The following SLC26A11 variants were observed in gnomAD, a reference collection of about 807,000 sequenced individuals.
SLC26A11 encodes solute carrier family 26 member 11.
A neutral mutation model predicts 62.2 loss-of-function variants in SLC26A11; 58 were observed. The ratio of observed to expected loss-of-function variants is 0.93; its 90% CI spans 0.76 to 1.16. The LOEUF is 1.16. Among genes scored for constraint, SLC26A11 ranks in the 50% most tolerant of loss-of-function variants. The probability of loss-of-function intolerance (pLI) is 0.00; values close to 1 mark genes in which losing one functional copy is unlikely to be tolerated. For synonymous variants in SLC26A11, 411 were observed against 368.9 expected (o/e 1.11, Z -1.31); for missense variants, 790 against 794.3 (o/e 0.99, Z 0.06).
chr17:80,252,755 C>G lies in SLC26A11; in HGVS notation c.*39C>G. 1 of 1,574,520 alleles carries G rather than the reference C, an allele frequency of 6.4e-7. No homozygotes were observed. Among genetic ancestry groups the G allele is most frequent in the Non-Finnish European group, 8.7e-7 (1 of 1,148,600 alleles). On this transcript the variant is annotated 3_prime_UTR_variant, in exon 18 of 18. Coordinates refer to ENST00000361193, the MANE Select transcript of SLC26A11 (RefSeq NM_001166347.2). This position sits in a 1 kb window ranked among gnomAD's most constrained non-coding sequence, Gnocchi z 5.2. ...GGGCATCCACAGTTTGCAGGGTGTT[C>G]CGGAAGGTTCTTGTCACTGTGATTG...
At position 80,227,810 on chromosome 17, in the gene SLC26A11, G is replaced by C. The variant is rs774813208; in HGVS notation, c.594-8G>C. The C allele has an allele frequency of 2.5e-6, 4 of 1,603,760 alleles. No individual in the cohort carries two copies. The South Asian group carries it at 4.4e-5, about 18-fold the overall frequency. On this transcript the variant is annotated splice_polypyrimidine_tract_variant and splice_region_variant and intron_variant, in intron 6 of 17. Transcript: ENST00000361193. ...CTGGGTGGTGACCAGTCCTCTGCCT[G>C]TCCACAGGGTAGGTGACGCCGTCCT...
In SLC26A11 at chr17:80,237,480, C is replaced by T. The variant is rs775007930; in HGVS notation, c.913-42C>T. The T allele has an allele frequency of 2.5e-6, 4 of 1,569,500 alleles. No homozygotes were observed. The South Asian group carries it at 4.7e-5, about 18-fold the overall frequency. ...TTTCATGGGTCACTGCTGGGTCCTA[C>T]CCCTTAGGAAGGTCACTCACCATCC... On this transcript the variant is annotated intron_variant, in intron 8 of 17. Coordinates refer to ENST00000361193, the MANE Select transcript of SLC26A11 (RefSeq NM_001166347.2).
Position 80,220,505 on chromosome 17 carries a change from G to C in SLC26A11, c.-214+9G>C. The C allele has an allele frequency of 2.1e-6, 1 of 486,994 alleles. No homozygotes were observed. The highest frequency in any genetic ancestry group is 2.0e-5 in the African/African-American group (1 of 49,360). 30.2% of individuals were successfully genotyped at this position (486,994 alleles called of 1,614,324 possible). A position where few individuals can be genotyped will look rare whatever the true frequency, so the allele number is the denominator to read the frequency against. ...GCTGCATCGCCGAGTGGGTGAGTCC[G>C]TGGCCCGCGAGGGCGGCGAGCGGGG... On this transcript the variant is annotated intron_variant, in intron 1 of 17. Transcript: ENST00000361193.
intron 15 of SLC26A11, 127 bp downstream of exon 15, chr17:80,248,801 G>C (rs564772740): frequency 1.0e-6 from 1 of 978,118 alleles, no homozygotes; most frequent in Non-Finnish European, 1.5e-6. Context: ...AGGCATCTCT[G>C]AGTGGGCTGG....
At chr17:80,248,994 T>C (rs2043087372) in intron 15 of SLC26A11, among the ~76,000 whole-genome samples, 160 bp from the exon 16 acceptor site, 1 of 152,132 alleles carries the variant, frequency 6.6e-6, no homozygotes, top group East Asian at 1.9e-4. Context: ...TTGTCTCTGG[T>C]CCTGCCACCC....
At chr17:80,232,382 G>A (rs2042588093) in intron 7 of SLC26A11, among the ~76,000 whole-genome samples, 2 of 151,878 alleles carry the variant, frequency 1.3e-5, no homozygotes, top group African/African-American at 2.4e-5. Flanking sequence ...AGCCTCCCAA[G>A]TAGCTGGAAT....
At chr17:80,240,335 C>A (rs559295483) in intron 9 of SLC26A11, among the ~76,000 whole-genome samples, 65 of 151,936 alleles carry the variant, frequency 4.3e-4, no homozygotes, top group Non-Finnish European at 8.5e-4. Context: ...CCACTGTACT[C>A]CAGCCTGGGC....
intron 7 of SLC26A11, among the ~76,000 whole-genome samples, chr17:80,230,193 CAAAAA>C (rs11338645): frequency 1.1e-5 from 1 of 91,038 alleles, no homozygotes; most frequent in Non-Finnish European, 2.2e-5. Context: ...GACTCCTTCT[CAAAAA>C]AAAAAAAAAA....
intron 6 of SLC26A11, 104 bp from the exon 7 acceptor site, chr17:80,227,714 T>A: frequency 6.7e-7 from 1 of 1,501,838 alleles, no homozygotes; most frequent in Non-Finnish European, 8.9e-7. Context: ...TGGGCCTCCC[T>A]GGGAGCTTCT....
intron 6 of SLC26A11, among the ~76,000 whole-genome samples, chr17:80,226,921 G>A (rs184353464): frequency 7.0e-4 from 107 of 152,236 alleles, no homozygotes; most frequent in African/African-American, 2.5e-3. Context: ...ATCTGCTGCC[G>A]AAGCTTCCCA....
At chr17:80,221,270 C>T (rs1392451887) in intron 2 of SLC26A11, 155 bp downstream of exon 2, 1 of 422,988 alleles carries the variant, frequency 2.4e-6, no homozygotes, top group African/African-American at 2.0e-5. Flanking sequence ...TTATCAGTTT[C>T]TTATCTGGGA....
rs967317412 is a variant in SLC26A11, at chr17:80,223,486, C to T, written c.513+149C>T. On this transcript the variant is annotated intron_variant, in intron 5 of 17. Coordinates refer to ENST00000361193, the MANE Select transcript of SLC26A11 (RefSeq NM_001166347.2). The surrounding 1 kb of genome is among the most constrained non-coding windows in gnomAD (Gnocchi z 4.6). ...TGTCTTCCATGGGTCAAGAAGCACG[C>T]GGTGCTCTCATGGGTCCCCTGTTAA... 5.8e-5 allele frequency: 42 copies of T among 725,314 alleles called. No homozygotes were observed. Among genetic ancestry groups the T allele is most frequent in the African/African-American group, 3.3e-4 (19 of 57,150 alleles). 44.9% of individuals were successfully genotyped at this position (725,314 alleles called of 1,614,324 possible).
chr17:80,236,475 A>T (rs998120686), intron 7 of SLC26A11, among the ~76,000 whole-genome samples: 1 of 151,454 alleles, frequency 6.6e-6, no homozygotes, highest in Admixed American at 6.6e-5. Flanking sequence ...TGATAGACTC[A>T]CCTCCCTTGT....
chr17:80,247,319 G>A (rs1039852435), intron 13 of SLC26A11, among the ~76,000 whole-genome samples: 130 of 151,916 alleles, frequency 8.6e-4, no homozygotes, highest in African/African-American at 2.9e-3. Flanking sequence ...CCACAAAACC[G>A]CCATTGTCAT....
Position 80,248,199 on chromosome 17 carries a change from C to G in SLC26A11, c.1364C>G (p.Ala455Gly). 1.2e-6 allele frequency: 2 copies of G among 1,609,468 alleles called. No individual in the cohort carries two copies. The highest frequency in any genetic ancestry group is 2.2e-5 in the South Asian group (2 of 90,844). ...CFWEVQYGILAGALVSLLMLL... is the reference protein window; with the variant it reads ...CFWEVQYGILGGALVSLLMLL... ...TGGGAGGTGCAGTACGGCATCCTGGCCGGGGCCCTGGTGTCTCTGCTCATG... is the reference window on the plus strand; with the variant it reads ...TGGGAGGTGCAGTACGGCATCCTGGGCGGGGCCCTGGTGTCTCTGCTCATG... The change falls in exon 14 of 18, where the codon GCC (alanine) becomes GGC (glycine). Residue 455 changes from alanine (A) to glycine (G), a missense_variant. Transcript: ENST00000361193.
At chr17:80,239,133 G>A (rs1018782349) in intron 9 of SLC26A11, among the ~76,000 whole-genome samples, 1 of 148,376 alleles carries the variant, frequency 6.7e-6, no homozygotes, top group Admixed American at 6.7e-5. Context: ...CATGCTGGGT[G>A]CAATGGTGTG....
At chr17:80,249,495 C>T (rs1365742085) in intron 16 of SLC26A11, among the ~76,000 whole-genome samples, 1 of 152,236 alleles carries the variant, frequency 6.6e-6, no homozygotes, top group Non-Finnish European at 1.5e-5. Flanking sequence ...GCCCCCAGCC[C>T]TCCGAGGGGT....
At chr17:80,225,774 C>G in intron 5 of SLC26A11, 63 bp from the exon 6 acceptor site, 1 of 1,427,728 alleles carries the variant, frequency 7.0e-7, no homozygotes, top group Non-Finnish European at 9.9e-7. Flanking sequence ...GGGCGGGGAG[C>G]TGGGGACAGA....
rs781530165 is a variant in SLC26A11 at position 80,248,279 on chromosome 17, G to A, written c.1422+22G>A. Reference sequence around the variant, plus strand: ...CAAGGTACCCCTCCGTGGCCTCTGAGTGGGGAGTGTGCTGGGGGCAGGATT... The same window carrying A: ...CAAGGTACCCCTCCGTGGCCTCTGAATGGGGAGTGTGCTGGGGGCAGGATT... On this transcript the variant is annotated intron_variant, in intron 14 of 17. Coordinates refer to ENST00000361193, the MANE Select transcript of SLC26A11 (RefSeq NM_001166347.2). The A allele has an allele frequency of 2.4e-5, 38 of 1,600,236 alleles. No individual in the cohort carries two copies. In the Admixed American group the frequency reaches 3.7e-4, roughly 16 times the overall value.
Sources: gnomAD v4.1 joint callset for allele counts (sites outside exome capture counted in the v4.1 genomes callset) on GRCh38, gnomAD v4.1.1 for gene constraint, Gnocchi (gnomAD v3.1) non-coding constraint, MANE v1.5 for transcripts, NCBI Gene and HGNC (gene_info 2026-07-23, HGNC 2026-07-21) for gene names.